The following MXRA5 variants were observed in gnomAD, a reference collection of about 807,000 sequenced individuals.
MXRA5 encodes the protein matrix-remodeling-associated protein 5.
A neutral mutation model predicts 112.5 loss-of-function variants in MXRA5; 41 were observed. That is an observed-to-expected ratio of 0.36 (90% confidence interval 0.28 to 0.47). MXRA5 has a LOEUF of 0.47. Among genes scored for constraint, MXRA5 ranks in the 20% least tolerant of loss-of-function variants. The probability of loss-of-function intolerance (pLI) is 0.99; values close to 1 mark genes in which losing one functional copy is unlikely to be tolerated. For missense variants in MXRA5, 2,150 were observed against 2,251.0 expected (o/e 0.96, Z 0.91); for synonymous variants, 862 against 900.8 (o/e 0.96, Z 0.77).
At chrX:3,337,206 G>A (rs1248184767) in intron 2 of MXRA5, among the ~76,000 whole-genome samples, 4 of 111,716 alleles carry the variant, frequency 3.6e-5, no homozygotes, top group East Asian at 2.8e-4. Context: ...AGAATATTCC[G>A]TGGTGGACAA....
rs41308441 is a variant in MXRA5, at chrX:3,317,110, G to A, written c.6571C>T (p.Leu2191Phe). ...CCACGCAGAGCTGCCTACCTGAAGAGCGCGTCGATCATCCTCTTGGACGGC... is the reference window on the plus strand; with the variant it reads ...CCACGCAGAGCTGCCTACCTGAAGAACGCGTCGATCATCCTCTTGGACGGC... ...RLPSKRMIDA[L>F]FSFDSRIKVF... The change falls in exon 6 of 7, where the codon CTC becomes TTC. Residue 2191 changes from leucine to phenylalanine, a missense_variant. Physicochemically the swap from Leu to Phe is conservative, Grantham distance 22 (BLOSUM62 0). Around this residue, in one of 6 missense-constraint regions of MXRA5, gnomAD observed 1,485 missense variants for 1,471.6 expected, o/e 1.01. Transcript: ENST00000217939. The A allele has an allele frequency of 7.0e-5, 81 of 1,160,932 alleles. No individual in the cohort carries two copies. Among genetic ancestry groups the A allele is most frequent in the Non-Finnish European group, 9.1e-5 (79 of 868,995 alleles).
chrX:3,310,489 G>C lies in MXRA5; in HGVS notation c.7714C>G (p.Pro2572Ala). 1 of 1,205,979 alleles carries C rather than the reference G, an allele frequency of 8.3e-7. No individual in the cohort carries two copies. The highest frequency in any genetic ancestry group is 3.0e-5 in the East Asian group (1 of 33,556). ...LNCSAAGTPT[P>A]SLVWVLPNGT... ...TTGGGAAGGACCCACACCAGGCTGG[G>C]TGTCGGGGTCCCCGCGGCAGAGCAG... is the stretch of plus-strand genomic sequence containing the variant. The change falls in exon 7 of 7, where the codon CCC becomes GCC. Residue 2572 changes from proline (P) to alanine (A), a missense_variant. Around this residue, in one of 6 missense-constraint regions of MXRA5, gnomAD observed 93 missense variants for 135.5 expected, o/e 0.69. Coordinates refer to ENST00000217939, the MANE Select transcript of MXRA5 (RefSeq NM_015419.4).
chrX:3,316,078 G>GT (rs1192621472), intron 6 of MXRA5, among the ~76,000 whole-genome samples: 1 of 67,788 alleles, frequency 1.5e-5, no homozygotes, highest in Non-Finnish European at 2.7e-5. Flanking sequence ...ACACACTGGG[G>GT]CCGGGCGCGG....
At chrX:3,315,399 A>AGATAGATAGATAGATAGATAGAT (rs1569181379) in intron 6 of MXRA5, among the ~76,000 whole-genome samples, 2 of 50,377 alleles carry the variant, frequency 4.0e-5, no homozygotes, top group African/African-American at 1.4e-4. Context: ...GATGATAGAT[A>AGATAGATAGATAGATAGATAGAT]GATAGATAGA....
At chrX:3,313,441 G>A (rs1921019161) in intron 6 of MXRA5, among the ~76,000 whole-genome samples, 1 of 111,644 alleles carries the variant, frequency 9.0e-6, no homozygotes, top group Admixed American at 9.5e-5. Flanking sequence ...TGTATTTTGA[G>A]TAGAGACGGG....
intron 6 of MXRA5, among the ~76,000 whole-genome samples, chrX:3,314,881 C>CAGATGAT (rs762486025): frequency 9.7e-6 from 1 of 102,606 alleles, no homozygotes; most frequent in African/African-American, 3.6e-5. Context: ...GGTAGGTAGG[C>CAGATGAT]AGATAGATAG....
chrX:3,311,688 T>C, intron 6 of MXRA5, 64 bp from the exon 7 acceptor site: 1 of 962,973 alleles, frequency 1.0e-6, no homozygotes, highest in Admixed American at 2.4e-5. Context: ...TGGCATTAGG[T>C]CGCTGGAATA....
rs1920989937 is a variant in MXRA5, at chrX:3,311,467, C to T, written c.6736G>A (p.Glu2246Lys). The change falls in exon 7 of 7, where the codon GAA becomes AAA. Residue 2246 changes from glutamate (E) to lysine (K), a missense_variant. Transcript: ENST00000217939. Reference sequence around the variant, plus strand: ...TTGTGGTCGTTCTCCTCCTTGTGTTCAATCTTGGCCGGTTTCATCACCACA... The same window carrying T: ...TTGTGGTCGTTCTCCTCCTTGTGTTTAATCTTGGCCGGTTTCATCACCACA... The part of the protein sequence containing the change: ...VDVVMKPAKI[E>K]HKEENDHKVF... 8.3e-7 allele frequency: 1 copy of T among 1,211,602 alleles called. No homozygotes were observed. Among genetic ancestry groups the T allele is most frequent in the Admixed American group, 2.2e-5 (1 of 46,045 alleles).
chrX:3,327,211 T>C (rs1049819431), intron 4 of MXRA5, among the ~76,000 whole-genome samples: 4 of 47,825 alleles, frequency 8.4e-5, no homozygotes, highest in African/African-American at 4.7e-4. Flanking sequence ...CATCTTTCCT[T>C]TTGCCCTCCT....
chrX:3,338,361 G>A (rs866850683), intron 2 of MXRA5, among the ~76,000 whole-genome samples: 1 of 111,522 alleles, frequency 9.0e-6, no homozygotes, highest in Non-Finnish European at 1.9e-5. Context: ...TAGATAGGCA[G>A]ACAGATGATA....
At chrX:3,343,108 AGTCT>A (rs1406672633) in intron 2 of MXRA5, among the ~76,000 whole-genome samples, 1 of 112,787 alleles carries the variant, frequency 8.9e-6, no homozygotes, top group African/African-American at 3.2e-5. Context: ...GTATATTAAA[AGTCT>A]GTCTGGCAAG....
In MXRA5 at chrX:3,311,553, C is replaced by T; in HGVS notation, c.6650G>A (p.Gly2217Glu). ...VVKSVTDKDA[G>E]DYLCVARNKV... Reference sequence around the variant, plus strand: ...ATTTCGAGCTACGCACAGGTAATCTCCGGCATCTTTGTCCGTCACTGATTT... The same window carrying T: ...ATTTCGAGCTACGCACAGGTAATCTTCGGCATCTTTGTCCGTCACTGATTT... Residue 2217 changes from glycine to glutamate, a missense_variant, in exon 7 of 7, where the codon GGA becomes GAA. By Grantham distance (98) the Gly-to-Glu change is moderately conservative. Coordinates refer to ENST00000217939, the MANE Select transcript of MXRA5 (RefSeq NM_015419.4). 1 of 1,211,966 alleles carries T rather than the reference C, an allele frequency of 8.3e-7. No individual in the cohort carries two copies. Among genetic ancestry groups the T allele is most frequent in the Non-Finnish European group, 1.1e-6 (1 of 895,624 alleles).
chrX:3,317,162 G>A lies in MXRA5; in HGVS notation c.6519C>T (p.Asp2173=), dbSNP rs1187162631. 2 of 1,203,306 alleles carry A rather than the reference G, an allele frequency of 1.7e-6. No homozygotes were observed. The highest frequency in any genetic ancestry group is 1.8e-5 in the South Asian group (1 of 55,404). ...TLKLDCSASG[D]PWPRILWRLP... ...GCCTCCAGAGGATGCGCGGCCAGGGGTCCCCCGAGGCGCTGCAGTCCAGCT... is the reference window on the plus strand; with the variant it reads ...GCCTCCAGAGGATGCGCGGCCAGGGATCCCCCGAGGCGCTGCAGTCCAGCT... Residue 2173 remains aspartate (D), a synonymous_variant, in exon 6 of 7, where the codon GAC becomes GAT. Transcript: ENST00000217939.
intron 4 of MXRA5, among the ~76,000 whole-genome samples, chrX:3,329,573 G>T (rs1921613425): frequency 1.1e-5 from 1 of 90,874 alleles, no homozygotes; most frequent in African/African-American, 3.8e-5. Flanking sequence ...AGTGAGAATC[G>T]CTTCCGTGTC....
Position 3,322,047 on chromosome X carries a change from G to C in MXRA5, c.3638C>G (p.Pro1213Arg), listed in dbSNP as rs756252724. The change falls in exon 5 of 7, where the codon CCC becomes CGC. Residue 1213 changes from proline (P) to arginine (R), a missense_variant. By Grantham distance (103) the Pro-to-Arg change is moderately radical. Coordinates refer to ENST00000217939, the MANE Select transcript of MXRA5 (RefSeq NM_015419.4). ...TAWVDNTVNT[P>R]KQLEMEKNAE... ...ATTCTTCTCCATTTCCAACTGTTTG[G>C]GGGTATTAACTGTGTTATCCACCCA... The C allele has an allele frequency of 8.3e-7, 1 of 1,209,071 alleles. No individual in the cohort carries two copies. The highest frequency in any genetic ancestry group is 1.1e-6 in the Non-Finnish European group (1 of 894,930).
At chrX:3,327,997 G>A (rs1424521157) in intron 4 of MXRA5, among the ~76,000 whole-genome samples, 1 of 112,722 alleles carries the variant, frequency 8.9e-6, no homozygotes, top group Non-Finnish European at 1.9e-5. Flanking sequence ...GCCCAGCAAA[G>A]TTTTGTGGGT....
chrX:3,323,925 A>G lies in MXRA5; in HGVS notation c.1760T>C (p.Ile587Thr), dbSNP rs147548313. 2.5e-6 allele frequency: 3 copies of G among 1,207,055 alleles called. No individual in the cohort carries two copies. The highest frequency in any genetic ancestry group is 2.2e-5 in the Admixed American group (1 of 45,760). ...CACCGACTCCCCTGGGTTCTTGCCA[A>G]TTGTCACTGTGTCTTTCTCGGCTGG... ...TQPAEKDTVT[I>T]GKNPGESVTL... The change falls in exon 5 of 7, where the codon ATT becomes ACT. Residue 587 changes from isoleucine (I) to threonine (T), a missense_variant. Coordinates refer to ENST00000217939, the MANE Select transcript of MXRA5 (RefSeq NM_015419.4).
intron 4 of MXRA5, 115 bp downstream of exon 4, chrX:3,329,903 C>T: frequency 2.2e-6 from 2 of 905,111 alleles, no homozygotes; most frequent in Non-Finnish European, 3.0e-6. Context: ...GCTCAGATTT[C>T]ATCGAAGCTC....
chrX:3,313,571 T>C (rs1921022130), intron 6 of MXRA5, among the ~76,000 whole-genome samples: 1 of 112,817 alleles, frequency 8.9e-6, no homozygotes, highest in Non-Finnish European at 1.9e-5. Flanking sequence ...AATATTTGTA[T>C]TTTTAAATAG....
Sources: gnomAD v4.1 joint callset for allele counts (sites outside exome capture counted in the v4.1 genomes callset) on GRCh38, gnomAD v4.1.1 for gene constraint, gnomAD v4.1.1 regional missense constraint, MANE v1.5 for transcripts, NCBI Gene and HGNC (gene_info 2026-07-23, HGNC 2026-07-21) for gene names.